Variants in RADIL observed in about 807,000 individuals in gnomAD.
RADIL encodes the protein Rap associating with DIL domain, also known as ras-associating and dilute domain-containing protein.
Under a neutral mutation model 97.6 loss-of-function variants are expected in RADIL, and 99 were observed. That is an observed-to-expected ratio of 1.01 (90% CI 0.86 to 1.20). The LOEUF (loss-of-function observed/expected upper bound fraction) is 1.20. RADIL is among the 50% of genes most tolerant of loss of function. The pLI is 0.00. For missense variants in RADIL, 1,765 were observed against 1,498.9 expected, an observed-to-expected ratio of 1.18 and a Z score of -2.93; for synonymous variants, 803 against 691.8, an observed-to-expected ratio of 1.16 and a Z score of -2.52.
At chr7:4,816,562 C>T in intron 7 of RADIL, 97 bp from the exon 8 acceptor site, 2 of 978,110 alleles carry the variant, frequency 2.0e-6, no homozygotes, top group South Asian at 1.5e-5. Flanking sequence ...CCACGCACTG[C>T]TTGCAGGGAC....
intron 2 of RADIL, among the ~76,000 whole-genome samples, chr7:4,852,794 C>T (rs1273147830): frequency 6.6e-6 from 1 of 152,120 alleles, no homozygotes; most frequent in Non-Finnish European, 1.5e-5. Context: ...CCACCTGCCT[C>T]GGCCTCCCAA....
Position 4,798,334 on chromosome 7 carries a change from G to A in RADIL, c.*1044C>T, listed in dbSNP as rs1032267311. 2 of 152,122 alleles carry A rather than the reference G, an allele frequency of 1.3e-5. No individual in the cohort carries two copies. The highest frequency in any genetic ancestry group is 4.8e-5 in the African/African-American group (2 of 41,420). 9.4% of individuals were successfully genotyped at this position (152,122 alleles called of 1,614,324 possible). A position where few individuals can be genotyped will look rare whatever the true frequency, so the allele number is the denominator to read the frequency against. On this transcript the variant is annotated 3_prime_UTR_variant, in exon 15 of 15. Coordinates refer to ENST00000399583, the MANE Select transcript of RADIL (RefSeq NM_018059.5). The stretch of plus-strand genomic sequence containing the variant: ...GGCCCAGGGCCTGGGACAGACCCAG[G>A]ACACCGATCTGGGGACCCCGCACAG...
At chr7:4,805,248 G>A (rs1782262440) in intron 10 of RADIL, 1 of 358,226 alleles carries the variant, frequency 2.8e-6, no homozygotes, top group East Asian at 4.1e-5. Flanking sequence ...CTCCCTTCCT[G>A]GGTAGCCATA....
At chr7:4,847,078 T>G (rs537157288) in intron 2 of RADIL, among the ~76,000 whole-genome samples, 361 of 151,994 alleles carry the variant, frequency 2.4e-3, no homozygotes, top group African/African-American at 8.1e-3. Flanking sequence ...CCCAGCACTT[T>G]GGGAGGCCAA....
intron 10 of RADIL, 96 bp downstream of exon 10, chr7:4,805,470 C>A: frequency 7.1e-7 from 1 of 1,415,184 alleles, no homozygotes; most frequent in Non-Finnish European, 9.4e-7. Context: ...GTCCCCCACA[C>A]CCCACTTCAG....
intron 5 of RADIL, among the ~76,000 whole-genome samples, chr7:4,830,704 C>T (rs1783116306): frequency 6.6e-6 from 1 of 151,988 alleles, no homozygotes. Flanking sequence ...ATGGAGAATC[C>T]CCATCTCTAC....
At position 4,835,234 on chromosome 7, in the gene RADIL, G is replaced by C; in HGVS notation, c.789C>G (p.Ser263Arg). 1 of 1,609,266 alleles carries C rather than the reference G, an allele frequency of 6.2e-7. No homozygotes were observed. Among genetic ancestry groups the C allele is most frequent in the South Asian group, 1.1e-5 (1 of 91,000 alleles). The part of the protein sequence containing the change: ...LLQGYSQQHD[S>R]LVYVLNRDRH... Reference sequence around the variant, plus strand: ...GGTCCCGGTTGAGCACATACACCAGGCTGTCCTGAAACAGAGACTCCGCTC... The same window carrying C: ...GGTCCCGGTTGAGCACATACACCAGCCTGTCCTGAAACAGAGACTCCGCTC... The change falls in exon 4 of 15, where the codon AGC (serine) becomes AGG (arginine). Residue 263 changes from serine to arginine, a missense_variant. Ser to Arg is a moderately radical substitution (Grantham distance 110). Coordinates refer to ENST00000399583, the MANE Select transcript of RADIL (RefSeq NM_018059.5). This position sits in a 1 kb window ranked among gnomAD's most constrained non-coding sequence, Gnocchi z 5.8.
rs1321145642 is a variant in RADIL at position 4,837,447 on chromosome 7, C to A, written c.536-842G>T. Reference sequence around the variant, plus strand: ...GGAGGTGTCACTGTGCCACATCACCCCAGCCCATGGGGCTGCCGATGGCCT... The same window carrying A: ...GGAGGTGTCACTGTGCCACATCACCACAGCCCATGGGGCTGCCGATGGCCT... On this transcript the variant is annotated intron_variant, in intron 2 of 14. Coordinates refer to ENST00000399583, the MANE Select transcript of RADIL (RefSeq NM_018059.5). This position sits in a 1 kb window ranked among gnomAD's most constrained non-coding sequence, Gnocchi z 5.6. 6.6e-6 allele frequency among the ~76,000 whole-genome samples: 1 copy of A among 152,220 alleles called. No individual in the cohort carries two copies. The highest frequency in any genetic ancestry group is 2.4e-5 in the African/African-American group (1 of 41,460).
intron 8 of RADIL, 89 bp downstream of exon 8, chr7:4,816,139 G>A (rs979965889): frequency 3.8e-5 from 49 of 1,289,454 alleles, no homozygotes; most frequent in African/African-American, 5.9e-5. Context: ...GGGCAGAGCC[G>A]CCTCCAGGAG....
chr7:4,859,909 A>G lies in RADIL; in HGVS notation c.535+17696T>C, dbSNP rs183670110. ...CTCTAGACTCCAACTATAGGATTAG[A>G]TATGTTTGTTGCTGAGTTTCCTGAA... On this transcript the variant is annotated intron_variant, in intron 2 of 14. Coordinates refer to ENST00000399583, the MANE Select transcript of RADIL (RefSeq NM_018059.5). The G allele has an allele frequency of 6.7e-5, 107 of 1,607,416 alleles. 1 individual carries two copies. In the East Asian group the frequency reaches 1.7e-3, roughly 25 times the overall value.
intron 2 of RADIL, among the ~76,000 whole-genome samples, chr7:4,874,883 C>A (rs1021402978): frequency 2.6e-5 from 4 of 151,954 alleles, no homozygotes; most frequent in Non-Finnish European, 5.9e-5. Context: ...CATGGTGAAA[C>A]CCCATCTCTA....
At position 4,800,299 on chromosome 7, in the gene RADIL, C is replaced by T. The variant is rs748741105; in HGVS notation, c.2854G>A (p.Ala952Thr). The T allele has an allele frequency of 6.8e-7, 1 of 1,473,166 alleles. No individual in the cohort carries two copies. Among genetic ancestry groups the T allele is most frequent in the Middle Eastern group, 1.8e-4 (1 of 5,534 alleles). 91.3% of individuals were successfully genotyped at this position (1,473,166 alleles called of 1,614,324 possible). Residue 952 changes from alanine (A) to threonine (T), a missense_variant, in exon 13 of 15, where the codon GCC becomes ACC. Transcript: ENST00000399583. ...RGAAPEGDSA[A>T]LAEESPPAPS... ...GCTGGAGGGGACTCCTCCGCAAGGGCTGCAGAGTCTCCTGGGTGGGGGCCA... is the reference window on the plus strand; with the variant it reads ...GCTGGAGGGGACTCCTCCGCAAGGGTTGCAGAGTCTCCTGGGTGGGGGCCA...
At chr7:4,800,439 CGCT>C (rs1554260291) in intron 12 of RADIL, 129 bp from the exon 13 acceptor site, 104 of 1,042,966 alleles carry the variant, frequency 1.0e-4, no homozygotes, top group Non-Finnish European at 3.1e-5. Flanking sequence ...TCCCAGGAGA[CGCT>C]GTTCAGGCAG....
rs1222963432 is a variant in RADIL, at chr7:4,880,038, G to A, written c.-64-1835C>T. Among the ~76,000 whole-genome samples, 1 of 152,182 alleles carries A rather than the reference G, an allele frequency of 6.6e-6. No individual in the cohort carries two copies. Among genetic ancestry groups the A allele is most frequent in the Non-Finnish European group, 1.5e-5 (1 of 68,036 alleles). ...ACGCGGACGTCTGCCCTGCGGGGTG[G>A]GTGGCTGGCCCTTCTCCTGTTCCTA... is the stretch of plus-strand genomic sequence containing the variant. On this transcript the variant is annotated intron_variant, in intron 1 of 14. Coordinates refer to ENST00000399583, the MANE Select transcript of RADIL (RefSeq NM_018059.5). The surrounding 1 kb of genome is among the most constrained non-coding windows in gnomAD (Gnocchi z 4.5).
intron 2 of RADIL, chr7:4,861,874 G>T (rs1784017452): frequency 1.5e-5 from 8 of 536,216 alleles, no homozygotes; most frequent in Middle Eastern, 7.7e-4. Context: ...CCGCCGCCCG[G>T]GTCATGATCC....
In RADIL at chr7:4,837,122, G is replaced by A. The variant is rs1783321806; in HGVS notation, c.536-517C>T. Among the ~76,000 whole-genome samples, 1 of 152,168 alleles carries A rather than the reference G, an allele frequency of 6.6e-6. No homozygotes were observed. The highest frequency in any genetic ancestry group is 2.4e-5 in the African/African-American group (1 of 41,448). ...CCAGACAGTGCCTTGGCACCACCGT[G>A]GCACCCACAGAACAGTCTCAGAGCA... On this transcript the variant is annotated intron_variant, in intron 2 of 14. Transcript: ENST00000399583. The surrounding 1 kb of genome is among the most constrained non-coding windows in gnomAD (Gnocchi z 5.6).
chr7:4,832,517 T>C (rs550132435), intron 4 of RADIL, among the ~76,000 whole-genome samples: 1 of 152,078 alleles, frequency 6.6e-6, no homozygotes, highest in Admixed American at 6.6e-5. Context: ...GGCAGGCAGA[T>C]CACTTAAGGT....
rs1465620732 is a variant in RADIL, at chr7:4,815,729, T to A, written c.1967-279A>T. On this transcript the variant is annotated intron_variant, in intron 8 of 14. Transcript: ENST00000399583. This position sits in a 1 kb window ranked among gnomAD's most constrained non-coding sequence, Gnocchi z 8.0. ...GCCCCTAGCTGGGACCCTCTCCCAC[T>A]CCCAGACACATGTGCCGGGGGCCTG... is the stretch of plus-strand genomic sequence containing the variant. Among the ~76,000 whole-genome samples the A allele has an allele frequency of 6.6e-6, 1 of 151,984 alleles. No individual in the cohort carries two copies. The highest frequency in any genetic ancestry group is 1.9e-4 in the East Asian group (1 of 5,150).
At chr7:4,810,227 G>A (rs973230847) in intron 9 of RADIL, among the ~76,000 whole-genome samples, 13 of 152,010 alleles carry the variant, frequency 8.6e-5, no homozygotes, top group African/African-American at 2.7e-4. Flanking sequence ...GCAGTGGCAC[G>A]ATCACAGCTC....
Sources: gnomAD v4.1 joint callset for allele counts (sites outside exome capture counted in the v4.1 genomes callset) on GRCh38, gnomAD v4.1.1 for gene constraint, Gnocchi (gnomAD v3.1) non-coding constraint, MANE v1.5 for transcripts, NCBI Gene and HGNC (gene_info 2026-07-23, HGNC 2026-07-21) for gene names.